PTGER3: variants seen among roughly 807,000 people sequenced by gnomAD.
PTGER3 encodes prostaglandin E receptor 3.
A neutral mutation model predicts 34.7 loss-of-function variants in PTGER3; 22 were observed. The observed-to-expected ratio is 0.63, with a 90% confidence interval of 0.45 to 0.91. The LOEUF (loss-of-function observed/expected upper bound fraction) is 0.91. Ranked by LOEUF, PTGER3 falls within the 40% of genes least tolerant of loss-of-function variation. The probability of loss-of-function intolerance (pLI) is 0.00; values close to 1 mark genes in which losing one functional copy is unlikely to be tolerated. For missense variants in PTGER3, 468 were observed against 519.4 expected, an observed-to-expected ratio of 0.90 and a Z score of 0.96; for synonymous variants, 241 against 230.1, an observed-to-expected ratio of 1.05 and a Z score of -0.43.
At chr1:70,867,303 T>G (rs1646063534) in intron 4 of PTGER3, among the ~76,000 whole-genome samples, 1 of 152,250 alleles carries the variant, frequency 6.6e-6, no homozygotes, top group East Asian at 1.9e-4. Flanking sequence ...GTACCTTTAT[T>G]ATGGCACTTA....
chr1:70,886,000 A>G (rs996674683), intron 4 of PTGER3, among the ~76,000 whole-genome samples: 2 of 152,184 alleles, frequency 1.3e-5, no homozygotes, highest in Non-Finnish European at 2.9e-5. Flanking sequence ...TGATCCTCAC[A>G]ACAACTTCAT....
chr1:71,010,961 A>C, intron 2 of PTGER3: 1 of 985,714 alleles, frequency 1.0e-6, no homozygotes, highest in Non-Finnish European at 1.2e-6. Flanking sequence ...CTAGAAAAGC[A>C]GTGCAAGAAA....
At chr1:70,923,328 T>A (rs573934890) in intron 4 of PTGER3, among the ~76,000 whole-genome samples, 13 of 152,334 alleles carry the variant, frequency 8.5e-5, no homozygotes, top group Admixed American at 3.3e-4. Flanking sequence ...AATTGTTATG[T>A]GAAATTGCTA....
intron 2 of PTGER3, among the ~76,000 whole-genome samples, chr1:70,974,826 T>C (rs990808606): frequency 1.3e-5 from 2 of 152,180 alleles, no homozygotes; most frequent in Non-Finnish European, 2.9e-5. Context: ...TTTTCAAACT[T>C]TTTGCCTTTT....
At chr1:70,978,231 T>C (rs116718743) in intron 2 of PTGER3, among the ~76,000 whole-genome samples, 106 of 152,268 alleles carry the variant, frequency 7.0e-4, no homozygotes, top group African/African-American at 2.5e-3. Context: ...TTAGAAACTT[T>C]TGGTATATGC....
chr1:71,003,668 A>C (rs1656685302), intron 2 of PTGER3, among the ~76,000 whole-genome samples: 1 of 152,244 alleles, frequency 6.6e-6, no homozygotes, highest in African/African-American at 2.4e-5. Flanking sequence ...GTTCCTTATA[A>C]TAATTCTACC....
At chr1:70,891,763 T>G (rs1313420587) in intron 4 of PTGER3, among the ~76,000 whole-genome samples, 1 of 152,242 alleles carries the variant, frequency 6.6e-6, no homozygotes, top group African/African-American at 2.4e-5. Context: ...TGGACTTTCT[T>G]GTAATCTTAG....
chr1:71,036,844 A>C (rs952605693), intron 1 of PTGER3, among the ~76,000 whole-genome samples: 34 of 152,034 alleles, frequency 2.2e-4, no homozygotes, highest in South Asian at 8.3e-4. Flanking sequence ...GTCTCAAAAA[A>C]AAAAAAGAAA....
chr1:70,983,522 C>A (rs1230776411), intron 2 of PTGER3, among the ~76,000 whole-genome samples: 1 of 152,130 alleles, frequency 6.6e-6, no homozygotes, highest in Non-Finnish European at 1.5e-5. Context: ...TTTGAAATCA[C>A]AGACTGTATC....
chr1:70,936,104 A>G (rs1304840162), intron 4 of PTGER3, among the ~76,000 whole-genome samples: 1 of 152,188 alleles, frequency 6.6e-6, no homozygotes, highest in Non-Finnish European at 1.5e-5. Context: ...AGTGGATCTC[A>G]GAACTCTAGA....
intron 4 of PTGER3, among the ~76,000 whole-genome samples, chr1:70,930,127 T>C (rs867861438): frequency 1.1e-4 from 17 of 152,150 alleles, no homozygotes; most frequent in South Asian, 4.1e-4. Flanking sequence ...TTTCAAACAA[T>C]AACAATAGAT....
At chr1:70,946,329 C>T (rs150825718) in intron 4 of PTGER3, among the ~76,000 whole-genome samples, 84 of 152,172 alleles carry the variant, frequency 5.5e-4, no homozygotes, top group African/African-American at 1.8e-3. Flanking sequence ...TATCTCACTC[C>T]CAGTTTACAA....
intron 4 of PTGER3, among the ~76,000 whole-genome samples, chr1:70,939,415 C>T (rs1649549259): frequency 6.6e-6 from 1 of 152,198 alleles, no homozygotes; most frequent in Non-Finnish European, 1.5e-5. Flanking sequence ...GAAGGTGGCC[C>T]TCTTCTTACA....
rs183062871 is a variant in PTGER3 at position 70,901,379 on chromosome 1, C to A, written c.*24-48520G>T. On this transcript the variant is annotated intron_variant, in intron 4 of 4. Transcript: ENST00000370931. ...GGTTTCAACCAAGAGTTTATTTGGG[C>A]TTCCCTGGATATTGTGTTGGTAAAA... is the stretch of plus-strand genomic sequence containing the variant. Among the ~76,000 whole-genome samples, 227 of 152,270 alleles carry A rather than the reference C, an allele frequency of 1.5e-3. 1 individual carries two copies. Among genetic ancestry groups the A allele is most frequent in the African/African-American group, 5.2e-3 (217 of 41,550 alleles).
chr1:71,016,843 G>A (rs1439660619), intron 1 of PTGER3, among the ~76,000 whole-genome samples: 1 of 151,834 alleles, frequency 6.6e-6, no homozygotes, highest in Non-Finnish European at 1.5e-5. Flanking sequence ...CATTTCAAAT[G>A]ATGTTAATGA....
chr1:70,962,785 G>C (rs566812439), intron 2 of PTGER3, among the ~76,000 whole-genome samples: 14 of 152,280 alleles, frequency 9.2e-5, no homozygotes, highest in African/African-American at 3.4e-4. Flanking sequence ...GACACAGCCA[G>C]ATCATATCAT....
chr1:71,032,662 A>G (rs758948734), intron 1 of PTGER3, among the ~76,000 whole-genome samples: 1 of 152,146 alleles, frequency 6.6e-6, no homozygotes, highest in African/African-American at 2.4e-5. Flanking sequence ...GCTGGCTTCC[A>G]TCTTCTATAA....
Position 70,986,204 on chromosome 1 carries a change from T to C in PTGER3, c.1078-11816A>G, listed in dbSNP as rs920304970. ...AGGCATGAATACTCAGCCCTTTGTT[T>C]AGCATATCATCAAGAGATAACCATA... On this transcript the variant is annotated intron_variant, in intron 2 of 3. Coordinates refer to ENST00000306666, the MANE Select transcript of PTGER3 (RefSeq NM_198719.2). Among the ~76,000 whole-genome samples the C allele has an allele frequency of 2.6e-5, 4 of 152,270 alleles. No individual in the cohort carries two copies. The East Asian group carries it at 5.8e-4, about 22-fold the overall frequency.
At chr1:70,922,162 T>C (rs1451076964) in intron 4 of PTGER3, among the ~76,000 whole-genome samples, 1 of 152,172 alleles carries the variant, frequency 6.6e-6, no homozygotes, top group Non-Finnish European at 1.5e-5. Context: ...GATATCAGAT[T>C]CTAGATAATG....
Sources: allele counts gnomAD v4.1 joint callset (sites outside exome capture counted in the v4.1 genomes callset), GRCh38; gene constraint gnomAD v4.1.1; transcripts MANE v1.5; gene names NCBI Gene and HGNC (gene_info 2026-07-23, HGNC 2026-07-21).